RPS6KA2: variants seen among roughly 807,000 people sequenced by gnomAD.
RPS6KA2 encodes ribosomal protein S6 kinase A2, also known as ribosomal protein S6 kinase alpha-2.
In RPS6KA2, 42 loss-of-function variants were observed where a neutral mutation model predicts 91.8. The ratio of observed to expected loss-of-function variants is 0.46; its 90% CI spans 0.36 to 0.59. The LOEUF (loss-of-function observed/expected upper bound fraction) is 0.59. Ranked by LOEUF, RPS6KA2 falls within the 20% of genes least tolerant of loss-of-function variation. RPS6KA2 has a pLI of 0.00. For synonymous variants in RPS6KA2, 414 were observed against 393.6 expected (o/e 1.05, Z -0.61); for missense variants, 798 against 978.5 (o/e 0.82, Z 2.46).
At chr6:166,417,949 G>A (rs1189943266) in intron 19 of RPS6KA2, among the ~76,000 whole-genome samples, 1 of 151,946 alleles carries the variant, frequency 6.6e-6, no homozygotes, top group Non-Finnish European at 1.5e-5. Context: ...TTAGTCGGGT[G>A]TGGTCGCACA....
rs753396485 is a variant in RPS6KA2 at position 166,437,840 on chromosome 6, C to T, written c.1333-5350G>A. 8.5e-5 allele frequency among the ~76,000 whole-genome samples: 13 copies of T among 152,158 alleles called. No individual in the cohort carries two copies. The highest frequency in any genetic ancestry group is 1.8e-4 in the Non-Finnish European group (12 of 68,020). ...CTTTCCTCCTGCTGGCCGAAGGCGG[C>T]AACAGGAGACTTCACCGCTCTCGAT... On this transcript the variant is annotated intron_variant, in intron 14 of 20. Coordinates refer to ENST00000265678, the MANE Select transcript of RPS6KA2 (RefSeq NM_021135.6). This position sits in a 1 kb window ranked among gnomAD's most constrained non-coding sequence, Gnocchi z 4.3.
At chr6:166,634,390 G>A (rs1354067395) in intron 2 of RPS6KA2, among the ~76,000 whole-genome samples, 2 of 152,134 alleles carry the variant, frequency 1.3e-5, no homozygotes, top group African/African-American at 2.4e-5. Context: ...GTCCACAGGC[G>A]CCACCTCTGA....
At position 166,546,739 on chromosome 6, in the gene RPS6KA2, C is replaced by T. The variant is rs114778758; in HGVS notation, c.100-7955G>A. 8.5e-4 allele frequency among the ~76,000 whole-genome samples: 129 copies of T among 152,212 alleles called. 1 individual carries two copies. Among genetic ancestry groups the T allele is most frequent in the African/African-American group, 3.0e-3 (123 of 41,542 alleles). On this transcript the variant is annotated intron_variant, in intron 1 of 20. Coordinates refer to ENST00000265678, the MANE Select transcript of RPS6KA2 (RefSeq NM_021135.6). ...TCCCAGACTCAATTATCGATGTGTC[C>T]AATGTGATCTCCTCATTCTTTTTCA...
intron 2 of RPS6KA2, among the ~76,000 whole-genome samples, chr6:166,847,907 A>T (rs1780645653): frequency 7.1e-6 from 1 of 140,762 alleles, no homozygotes. Context: ...AAAGATAAAT[A>T]GATGGGACTT....
chr6:166,654,560 C>T (rs1787952087), intron 2 of RPS6KA2, among the ~76,000 whole-genome samples: 1 of 152,208 alleles, frequency 6.6e-6, no homozygotes, highest in Admixed American at 6.5e-5. Flanking sequence ...CCCCCAATAT[C>T]CTTAAACTGA....
rs987119978 is a variant in RPS6KA2 at position 166,494,392 on chromosome 6, A to G, written c.748-3651T>C. On this transcript the variant is annotated intron_variant, in intron 8 of 20. Transcript: ENST00000265678. The surrounding 1 kb of genome is among the most constrained non-coding windows in gnomAD (Gnocchi z 5.1). ...AGCAGCAGAGCCTGAGCTCAGAACC[A>G]TCCGTGTTTGCTATGGTGGCATAAG... Among the ~76,000 whole-genome samples the G allele has an allele frequency of 2.6e-5, 4 of 152,188 alleles. No individual in the cohort carries two copies. The highest frequency in any genetic ancestry group is 9.7e-5 in the African/African-American group (4 of 41,444).
intron 1 of RPS6KA2, among the ~76,000 whole-genome samples, chr6:166,568,557 G>A (rs1784575740): frequency 6.9e-6 from 1 of 144,514 alleles, no homozygotes; most frequent in South Asian, 2.2e-4. Context: ...GGCAGAGGTT[G>A]CGGAGAGCCG....
intron 2 of RPS6KA2, among the ~76,000 whole-genome samples, chr6:166,754,049 C>G (rs1004508125): frequency 6.6e-6 from 1 of 152,204 alleles, no homozygotes; most frequent in Non-Finnish European, 1.5e-5. Flanking sequence ...CACACAAGAC[C>G]TCAGTCTCCC....
rs371518928 is a variant in RPS6KA2 at position 166,490,766 on chromosome 6, G to A, written c.748-25C>T. Reference sequence around the variant, plus strand: ...ACTGCAGAGCAACACAGAGCACAGTGAGTTCATTCATCCAGATGGACCCGG... The same window carrying A: ...ACTGCAGAGCAACACAGAGCACAGTAAGTTCATTCATCCAGATGGACCCGG... On this transcript the variant is annotated intron_variant, in intron 8 of 20. Coordinates refer to ENST00000265678, the MANE Select transcript of RPS6KA2 (RefSeq NM_021135.6). The surrounding 1 kb of genome is among the most constrained non-coding windows in gnomAD (Gnocchi z 4.2). 2.5e-6 allele frequency: 4 copies of A among 1,588,576 alleles called. No homozygotes were observed. The African/African-American group carries it at 5.4e-5, about 21-fold the overall frequency.
chr6:166,413,961 G>C (rs770597044), intron 19 of RPS6KA2, 30 bp from the exon 20 acceptor site: 1 of 1,607,676 alleles, frequency 6.2e-7, no homozygotes, highest in African/African-American at 1.3e-5. Context: ...GAGTCGGGGG[G>C]ATGGTTGGAT....
intron 2 of RPS6KA2, among the ~76,000 whole-genome samples, chr6:166,685,700 T>C (rs1272909954): frequency 1.3e-5 from 2 of 152,180 alleles, no homozygotes; most frequent in South Asian, 4.1e-4. Context: ...GACAATTCTA[T>C]GGGCATCACG....
rs79378253 is a variant in RPS6KA2, at chr6:166,598,604, C to T, written c.99+28317G>A. Among the ~76,000 whole-genome samples, 603 of 152,258 alleles carry T rather than the reference C, an allele frequency of 4.0e-3. 28 individuals are homozygous for T. In the East Asian group the frequency reaches 0.062, roughly 16 times the overall value. On this transcript the variant is annotated intron_variant, in intron 1 of 20. Transcript: ENST00000265678. ...AGTCTGCCCATCATGCACTGAGTCA[C>T]GGGTGGTTGGTGTGGGTAGACGCTC...
At chr6:166,568,575 G>A (rs536909148) in intron 1 of RPS6KA2, among the ~76,000 whole-genome samples, 27 of 136,762 alleles carry the variant, frequency 2.0e-4, no homozygotes, top group African/African-American at 6.7e-4. Context: ...CCGAGATTGC[G>A]CCATCGCACT....
At position 166,542,075 on chromosome 6, in the gene RPS6KA2, A is replaced by C. The variant is rs3799636; in HGVS notation, c.100-3291T>G. Among the ~76,000 whole-genome samples the C allele has an allele frequency of 1.8e-4, 27 of 152,310 alleles. No individual in the cohort carries two copies. The East Asian group carries it at 5.0e-3, about 28-fold the overall frequency. The stretch of plus-strand genomic sequence containing the variant: ...CTTAACTTTCTTTTTCACTTTCCCC[A>C]AAACGAAAACAAAACAAAACAAACA... On this transcript the variant is annotated intron_variant, in intron 1 of 20. Transcript: ENST00000265678.
intron 2 of RPS6KA2, among the ~76,000 whole-genome samples, chr6:166,805,936 A>C (rs1363785496): frequency 6.6e-6 from 1 of 152,210 alleles, no homozygotes; most frequent in Non-Finnish European, 1.5e-5. Flanking sequence ...AAAGAAGCCA[A>C]AAATAAAACC....
intron 1 of RPS6KA2, among the ~76,000 whole-genome samples, chr6:166,617,795 G>A (rs546092986): frequency 2.0e-5 from 3 of 152,226 alleles, no homozygotes; most frequent in African/African-American, 2.4e-5. Context: ...CGCATGGCTC[G>A]GGGGCAACGG....
At chr6:166,699,815 A>G (rs1789458403) in intron 2 of RPS6KA2, among the ~76,000 whole-genome samples, 1 of 152,232 alleles carries the variant, frequency 6.6e-6, no homozygotes, top group Non-Finnish European at 1.5e-5. Context: ...CAGTATACAG[A>G]AATCCTGCTA....
intron 2 of RPS6KA2, among the ~76,000 whole-genome samples, chr6:166,805,464 G>T (rs1779469451): frequency 6.6e-6 from 1 of 152,110 alleles, no homozygotes; most frequent in African/African-American, 2.4e-5. Context: ...CCAACTTGGG[G>T]GCCAGATGTT....
intron 19 of RPS6KA2, among the ~76,000 whole-genome samples, chr6:166,415,173 C>A (rs191432902): frequency 7.0e-4 from 106 of 152,296 alleles, no homozygotes; most frequent in African/African-American, 2.5e-3. Flanking sequence ...ATAACAATAT[C>A]TTTTTTATAC....
Sources: gnomAD v4.1 joint callset for allele counts (sites outside exome capture counted in the v4.1 genomes callset) on GRCh38, gnomAD v4.1.1 for gene constraint, Gnocchi (gnomAD v3.1) non-coding constraint, MANE v1.5 for transcripts, NCBI Gene and HGNC (gene_info 2026-07-23, HGNC 2026-07-21) for gene names.